The following DNAH3 variants were observed in gnomAD, a reference collection of about 807,000 sequenced individuals.
DNAH3 encodes the protein dynein axonemal heavy chain 3.
A neutral mutation model predicts 432.5 loss-of-function variants in DNAH3; 332 were observed. The observed-to-expected ratio is 0.77, with a 90% CI of 0.70 to 0.84. The LOEUF (loss-of-function observed/expected upper bound fraction) is 0.84, where lower values mean the gene tolerates loss of function less well. DNAH3 is among the 40% of genes least tolerant of loss of function. DNAH3 has a pLI of 0.00. For synonymous variants in DNAH3, 1,956 were observed against 1,900.2 expected (o/e 1.03, Z -0.76); for missense variants, 4,861 against 5,114.0 (o/e 0.95, Z 1.51).
At chr16:21,087,288 C>G (rs2091409492) in intron 18 of DNAH3, among the ~76,000 whole-genome samples, 1 of 152,166 alleles carries the variant, frequency 6.6e-6, no homozygotes, top group Non-Finnish European at 1.5e-5. Context: ...AATGGATACC[C>G]TGGAAGGTGA....
rs2083812948 is a variant in DNAH3 at position 20,941,607 on chromosome 16, A to G, written c.11512-64T>C. ...GCCCTACAGGCTGTGGCTTTGGATA[A>G]ACTTTAAGTACTGAGCATCTGACTT... is the stretch of plus-strand genomic sequence containing the variant. On this transcript the variant is annotated intron_variant, in intron 58 of 61. Transcript: ENST00000261383. 8 of 1,580,270 alleles carry G rather than the reference A, an allele frequency of 5.1e-6. No individual in the cohort carries two copies. In the East Asian group the frequency reaches 1.8e-4, roughly 35 times the overall value.
chr16:20,988,211 T>G lies in DNAH3; in HGVS notation c.6602-146A>C, dbSNP rs776580208. Reference sequence around the variant, plus strand: ...TGCAATATGGCAACCTCTAGCCACCTGCAGCAAATTTAAACTTAAATTAAT... The same window carrying G: ...TGCAATATGGCAACCTCTAGCCACCGGCAGCAAATTTAAACTTAAATTAAT... On this transcript the variant is annotated intron_variant, in intron 44 of 61. Transcript: ENST00000261383. 15 of 852,498 alleles carry G rather than the reference T, an allele frequency of 1.8e-5. No homozygotes were observed. In the Admixed American group the frequency reaches 2.0e-4, roughly 11 times the overall value. 52.8% of individuals were successfully genotyped at this position (852,498 alleles called of 1,614,324 possible).
chr16:21,083,160 C>T (rs9924185), intron 19 of DNAH3, among the ~76,000 whole-genome samples: 39,101 of 151,540 alleles, frequency 0.26, 5,138 homozygotes, highest in South Asian at 0.33. Flanking sequence ...GGATTACAGG[C>T]GCATGGCACC....
chr16:21,154,040 C>T (rs925156005), intron 1 of DNAH3, among the ~76,000 whole-genome samples: 1 of 152,180 alleles, frequency 6.6e-6, no homozygotes, highest in Non-Finnish European at 1.5e-5. Context: ...GGAAGATTAT[C>T]AGGTCTCCTA....
chr16:20,950,173 C>T (rs1351146965), intron 56 of DNAH3, among the ~76,000 whole-genome samples: 1 of 152,174 alleles, frequency 6.6e-6, no homozygotes, highest in Non-Finnish European at 1.5e-5. Flanking sequence ...TGGAGATGTT[C>T]TTTCACCAAA....
In DNAH3 at chr16:20,965,435, A is replaced by G. The variant is rs200129142; in HGVS notation, c.8459-10T>C. 13 of 1,506,908 alleles carry G rather than the reference A, an allele frequency of 8.6e-6. No homozygotes were observed. In the East Asian group the frequency reaches 9.1e-5, roughly 11 times the overall value. The allele number at this position is 1,506,908 out of a possible 1,614,324, so 93.3% of individuals were successfully genotyped here. A position where few individuals can be genotyped will look rare whatever the true frequency, so the allele number is the denominator to read the frequency against. ...TCTTCTATCATCTTACCTATTTGGA[A>G]CAAGAAACAGAGATAATGTGTTAAG... On this transcript the variant is annotated splice_polypyrimidine_tract_variant and intron_variant, in intron 52 of 61. Transcript: ENST00000261383.
intron 12 of DNAH3, 84 bp from the exon 13 acceptor site, chr16:21,112,182 G>T: frequency 1.1e-6 from 1 of 897,210 alleles, no homozygotes; most frequent in Non-Finnish European, 1.7e-6. Context: ...TGAAGACATA[G>T]TAGCATTTTA....
At chr16:21,087,056 G>C in exon 19 of DNAH3, 1 of 1,613,306 alleles carries the variant, frequency 6.2e-7, no homozygotes. Flanking sequence ...GTAAGAAGAG[G>C]GGTCCTGAAA....
intron 48 of DNAH3, 108 bp downstream of exon 48, chr16:20,984,941 G>T: frequency 1.0e-6 from 1 of 982,484 alleles, no homozygotes; most frequent in Non-Finnish European, 1.5e-6. Flanking sequence ...CTGGTGCGTT[G>T]GCTGAATCAA....
chr16:20,958,428 A>C (rs1203623766), intron 54 of DNAH3, among the ~76,000 whole-genome samples: 4 of 152,116 alleles, frequency 2.6e-5, no homozygotes, highest in Non-Finnish European at 4.4e-5. Context: ...CTCACATTGA[A>C]TCTACCTTTC....
chr16:21,135,513 C>T (rs1287681037), intron 6 of DNAH3, among the ~76,000 whole-genome samples: 3 of 151,948 alleles, frequency 2.0e-5, no homozygotes, highest in African/African-American at 4.8e-5. Context: ...GCCAACATGG[C>T]GAAACCTTGT....
intron 9 of DNAH3, among the ~76,000 whole-genome samples, chr16:21,123,309 G>A (rs758405382): frequency 1.2e-4 from 18 of 152,176 alleles, no homozygotes; most frequent in Non-Finnish European, 2.2e-4. Context: ...GAAGGCAGCT[G>A]TAAAGTACTT....
chr16:21,061,958 G>T (rs2090375756), intron 25 of DNAH3, among the ~76,000 whole-genome samples: 1 of 152,160 alleles, frequency 6.6e-6, no homozygotes, highest in Admixed American at 6.5e-5. Flanking sequence ...AGTCAACAAA[G>T]CAAGGCTCAG....
Position 21,106,475 on chromosome 16 carries a change from T to C in DNAH3, c.2284+15A>G. The C allele has an allele frequency of 2.6e-6, 4 of 1,561,412 alleles. No homozygotes were observed. Among genetic ancestry groups the C allele is most frequent in the Non-Finnish European group, 2.6e-6 (3 of 1,144,764 alleles). On this transcript the variant is annotated intron_variant, in intron 15 of 61. Transcript: ENST00000261383. ...AGGTATGCATTTCGATGGTCACACA[T>C]GGCATTGGACTTACACGGCAAGTCT...
chr16:21,068,503 C>T (rs757007435), intron 23 of DNAH3, among the ~76,000 whole-genome samples: 3 of 152,046 alleles, frequency 2.0e-5, no homozygotes, highest in African/African-American at 2.4e-5. Context: ...TTAGTAGAGA[C>T]GGGGTTTCAC....
At chr16:21,097,306 T>A (rs764183638) in intron 18 of DNAH3, 49 bp downstream of exon 18, 1 of 1,594,102 alleles carries the variant, frequency 6.3e-7, no homozygotes, top group Non-Finnish European at 8.6e-7. Context: ...ACTGGGTGGA[T>A]CCTCCACCTC....
chr16:21,067,776 G>GGAGGGAGAGGGAGAGAGA (rs374291201), intron 23 of DNAH3, among the ~76,000 whole-genome samples: 2 of 40,880 alleles, frequency 4.9e-5, no homozygotes, highest in East Asian at 1.9e-3. Context: ...GGGTGGGGAG[G>GGAGGGAGAGGGAGAGAGA]GAGAGAGAGA....
At chr16:21,116,202 T>C (rs140039780) in intron 12 of DNAH3, among the ~76,000 whole-genome samples, 68 of 152,244 alleles carry the variant, frequency 4.5e-4, no homozygotes, top group Admixed American at 1.0e-3. Flanking sequence ...ATTGTCTCAC[T>C]TTGGAAGCTA....
chr16:21,150,636 C>T, intron 1 of DNAH3, 102 bp from the exon 2 acceptor site: 1 of 188,302 alleles, frequency 5.3e-6, no homozygotes, highest in Non-Finnish European at 1.1e-5. Context: ...GGTGGCCACG[C>T]TTCCTTTCCC....
Sources: allele counts gnomAD v4.1 joint callset (sites outside exome capture counted in the v4.1 genomes callset), GRCh38; gene constraint gnomAD v4.1.1; transcripts MANE v1.5; gene names NCBI Gene and HGNC (gene_info 2026-07-23, HGNC 2026-07-21).